SMOC2: variants seen among roughly 807,000 people sequenced by gnomAD.
The protein encoded by SMOC2 is SPARC related modular calcium binding 2, also known as SPARC-related modular calcium-binding protein 2.
Under a neutral mutation model 61.4 loss-of-function variants are expected in SMOC2, and 39 were observed. The ratio of observed to expected loss-of-function variants is 0.64; its 90% CI spans 0.49 to 0.83. The LOEUF (loss-of-function observed/expected upper bound fraction) is 0.83, where lower values mean the gene tolerates loss of function less well. SMOC2 is among the 40% of genes least tolerant of loss of function. The pLI is 0.00. For missense variants in SMOC2, 556 were observed against 592.9 expected (o/e 0.94, Z 0.65); for synonymous variants, 247 against 239.9 (o/e 1.03, Z -0.27).
chr6:168,520,124 C>T (rs1328166320), intron 2 of SMOC2, among the ~76,000 whole-genome samples: 1 of 152,154 alleles, frequency 6.6e-6, no homozygotes, highest in East Asian at 1.9e-4. Flanking sequence ...TGGCCAAGGG[C>T]TGCAGACCAC....
At chr6:168,577,454 G>T (rs1031727381) in intron 7 of SMOC2, among the ~76,000 whole-genome samples, 1 of 152,194 alleles carries the variant, frequency 6.6e-6, no homozygotes, top group Non-Finnish European at 1.5e-5. Context: ...TCAGATGAGG[G>T]TTCTGGTTTC....
At chr6:168,591,766 A>G (rs772492995) in intron 7 of SMOC2, among the ~76,000 whole-genome samples, 1 of 151,846 alleles carries the variant, frequency 6.6e-6, no homozygotes, top group African/African-American at 2.4e-5. Flanking sequence ...TTTATACATT[A>G]ACTCCTCAAA....
intron 9 of SMOC2, among the ~76,000 whole-genome samples, chr6:168,634,077 A>C (rs1468793875): frequency 1.3e-5 from 2 of 152,200 alleles, no homozygotes; most frequent in Non-Finnish European, 2.9e-5. Flanking sequence ...TTTCCTAGAC[A>C]TGGGGAACCG....
chr6:168,479,448 T>A (rs1227175452), intron 1 of SMOC2, among the ~76,000 whole-genome samples: 1 of 152,238 alleles, frequency 6.6e-6, no homozygotes, highest in East Asian at 1.9e-4. Flanking sequence ...ATCAGAAATC[T>A]GTATTCCCAC....
chr6:168,513,066 T>A (rs2115055387), intron 2 of SMOC2, among the ~76,000 whole-genome samples: 1 of 152,340 alleles, frequency 6.6e-6, no homozygotes, highest in East Asian at 1.9e-4. Flanking sequence ...ATTGAAAGCA[T>A]TTGACATTCT....
intron 7 of SMOC2, among the ~76,000 whole-genome samples, chr6:168,565,816 A>G (rs1784528222): frequency 6.6e-6 from 1 of 152,176 alleles, no homozygotes; most frequent in Non-Finnish European, 1.5e-5. Context: ...AAACGGCTTT[A>G]CAATAGGAAT....
In SMOC2 at chr6:168,447,868, C is replaced by T. The variant is rs151140565; in HGVS notation, c.84+6414C>T. ...AAAAATGCTGTGGTATGTAAGTTGACCTTGCCTGCGTCAGGGTGTTTTGTT... is the reference window on the plus strand; with the variant it reads ...AAAAATGCTGTGGTATGTAAGTTGATCTTGCCTGCGTCAGGGTGTTTTGTT... On this transcript the variant is annotated intron_variant, in intron 1 of 12. Coordinates refer to ENST00000356284, the MANE Select transcript of SMOC2 (RefSeq NM_001166412.2). Among the ~76,000 whole-genome samples the T allele has an allele frequency of 5.9e-5, 9 of 151,856 alleles. No individual in the cohort carries two copies. In the East Asian group the frequency reaches 1.7e-3, roughly 29 times the overall value.
intron 7 of SMOC2, among the ~76,000 whole-genome samples, chr6:168,587,356 T>A (rs1167627014): frequency 6.6e-6 from 1 of 152,326 alleles, no homozygotes; most frequent in African/African-American, 2.4e-5. Flanking sequence ...TTGCCAAGGG[T>A]ATGGATGTAC....
chr6:168,667,730 T>C lies in SMOC2; in HGVS notation c.*1292T>C, dbSNP rs1467228271. The C allele has an allele frequency of 6.6e-6, 1 of 152,180 alleles. No individual in the cohort carries two copies. The highest frequency in any genetic ancestry group is 6.5e-5 in the Admixed American group (1 of 15,274). The allele number at this position is 152,180 out of a possible 1,614,324, so 9.4% of individuals were successfully genotyped here. A position where few individuals can be genotyped will look rare whatever the true frequency, so the allele number is the denominator to read the frequency against. On this transcript the variant is annotated 3_prime_UTR_variant, in exon 13 of 13. Coordinates refer to ENST00000356284, the MANE Select transcript of SMOC2 (RefSeq NM_001166412.2). ...ACTTTTGGTTGGAAAAAGATCTTCA[T>C]GGCCCCAAATCCCCTGAGACATGCC...
At chr6:168,547,053 G>A (rs765889558) in intron 5 of SMOC2, 66 bp from the exon 6 acceptor site, 44 of 1,598,338 alleles carry the variant, frequency 2.8e-5, no homozygotes, top group African/African-American at 5.4e-5. Flanking sequence ...CCACCCGTAT[G>A]CACACTTACT....
At chr6:168,605,426 C>T (rs1785661718) in intron 8 of SMOC2, among the ~76,000 whole-genome samples, 1 of 151,916 alleles carries the variant, frequency 6.6e-6, no homozygotes, top group African/African-American at 2.4e-5. Flanking sequence ...TTAAAATAAA[C>T]CTATTGAAAA....
rs550751047 is a variant in SMOC2, at chr6:168,664,306, C to G, written c.1323+195C>G. 6.9e-5 allele frequency: 43 copies of G among 620,898 alleles called. No homozygotes were observed. The African/African-American group carries it at 7.4e-4, about 11-fold the overall frequency. The allele number at this position is 620,898 out of a possible 1,614,324, so 38.5% of individuals were successfully genotyped here. A position where few individuals can be genotyped will look rare whatever the true frequency, so the allele number is the denominator to read the frequency against. On this transcript the variant is annotated intron_variant, in intron 12 of 12. Coordinates refer to ENST00000356284, the MANE Select transcript of SMOC2 (RefSeq NM_001166412.2). ...CCTTGCCGAATTCTATCCGAAATCACCAACTTGTTTGAAAAAAGTTTATTA... is the reference window on the plus strand; with the variant it reads ...CCTTGCCGAATTCTATCCGAAATCAGCAACTTGTTTGAAAAAAGTTTATTA...
At chr6:168,445,206 T>C (rs539063699) in intron 1 of SMOC2, among the ~76,000 whole-genome samples, 1 of 152,272 alleles carries the variant, frequency 6.6e-6, no homozygotes, top group South Asian at 2.1e-4. Context: ...CCCTGCACTG[T>C]TTTTTGCACT....
chr6:168,525,401 C>T (rs1202052502), intron 2 of SMOC2, among the ~76,000 whole-genome samples: 1 of 152,192 alleles, frequency 6.6e-6, no homozygotes, highest in Non-Finnish European at 1.5e-5. Context: ...GTGGTCCTCA[C>T]GTGTCTTAAC....
At chr6:168,494,379 T>C (rs554364626) in intron 1 of SMOC2, among the ~76,000 whole-genome samples, 1 of 152,340 alleles carries the variant, frequency 6.6e-6, no homozygotes, top group East Asian at 1.9e-4. Context: ...AGTAAATACA[T>C]GAAAAGAGTG....
In SMOC2 at chr6:168,666,485, C is replaced by T. The variant is rs1787665737; in HGVS notation, c.*47C>T. On this transcript the variant is annotated 3_prime_UTR_variant, in exon 13 of 13. Coordinates refer to ENST00000356284, the MANE Select transcript of SMOC2 (RefSeq NM_001166412.2). ...GTTCCTAGACACATGGGAAATTTCC[C>T]TCACCAAAGAGCAATTAAGAAAACA... 1.2e-6 allele frequency: 2 copies of T among 1,605,776 alleles called. No homozygotes were observed. Among genetic ancestry groups the T allele is most frequent in the Admixed American group, 1.7e-5 (1 of 59,822 alleles).
intron 8 of SMOC2, among the ~76,000 whole-genome samples, chr6:168,607,628 G>A (rs1421365255): frequency 6.9e-6 from 1 of 145,588 alleles, no homozygotes; most frequent in African/African-American, 2.5e-5. Context: ...GTAGCTTCAC[G>A]AGGTGGATTG....
intron 9 of SMOC2, among the ~76,000 whole-genome samples, chr6:168,613,901 A>G (rs1207727261): frequency 2.1e-5 from 2 of 93,786 alleles, no homozygotes; most frequent in Non-Finnish European, 4.5e-5. Context: ...TCACACCTAC[A>G]GCCAGCACAG....
intron 9 of SMOC2, among the ~76,000 whole-genome samples, chr6:168,630,243 T>C (rs1304384964): frequency 6.6e-6 from 1 of 152,196 alleles, no homozygotes; most frequent in Non-Finnish European, 1.5e-5. Flanking sequence ...TTGCGGGAAG[T>C]CAGGGACCCC....
Sources: gnomAD v4.1 joint callset for allele counts (sites outside exome capture counted in the v4.1 genomes callset) on GRCh38, gnomAD v4.1.1 for gene constraint, MANE v1.5 for transcripts, NCBI Gene and HGNC (gene_info 2026-07-23, HGNC 2026-07-21) for gene names.